The following ZBBX variants were observed in gnomAD, a reference collection of about 807,000 sequenced individuals.
ZBBX encodes the protein zinc finger B-box domain containing, also known as zinc finger B-box domain-containing protein 1.
ZBBX carries 101 observed loss-of-function variants against 108.5 expected under a neutral mutation model. The observed-to-expected ratio is 0.93, with a 90% confidence interval of 0.79 to 1.10. The LOEUF is 1.10. Among genes scored for constraint, ZBBX ranks in the 50% least tolerant of loss-of-function variants. The pLI, the probability that ZBBX is intolerant of heterozygous loss-of-function variation, is 0.00. For missense variants in ZBBX, 1,009 were observed against 941.4 expected (o/e 1.07, Z -0.94); for synonymous variants, 356 against 323.4 (o/e 1.10, Z -1.08).
At chr3:167,400,056 T>A (rs1033375633) in intron 1 of ZBBX, among the ~76,000 whole-genome samples, 3 of 152,234 alleles carry the variant, frequency 2.0e-5, no homozygotes, top group South Asian at 2.1e-4. Context: ...TATGGCCGCA[T>A]AGTATTCCGT....
chr3:167,262,334 C>A (rs933542832), intron 20 of ZBBX, among the ~76,000 whole-genome samples: 3 of 152,208 alleles, frequency 2.0e-5, no homozygotes, highest in Admixed American at 6.5e-5. Context: ...GAGCCAGCCA[C>A]TGCCTGTTGC....
chr3:167,295,734 TATATATATATATATATATATATATAAAA>T lies in ZBBX; in HGVS notation c.1879+2543_1879+2570del, dbSNP rs1386615301. 2.8e-3 allele frequency among the ~76,000 whole-genome samples: 54 copies of T among 19,284 alleles called. 3 individuals are homozygous for T. Among genetic ancestry groups the T allele is most frequent in the South Asian group, 0.011 (5 of 444 alleles). The allele number at this position is 19,284 out of a possible 152,430, so 12.7% of individuals were successfully genotyped here. A position where few individuals can be genotyped will look rare whatever the true frequency, so the allele number is the denominator to read the frequency against. ...GAATATATATATATATATATATATA[TATATATATATATATATATATATATAAAA>T]AAAACTAGTAAGGAGATTAAATCTG... On this transcript the variant is annotated intron_variant, in intron 18 of 21. Transcript: ENST00000675490.
the ZBBX span, among the ~76,000 whole-genome samples, chr3:167,182,991 C>A: frequency 1.3e-5 from 2 of 152,102 alleles, no homozygotes; most frequent in Admixed American, 6.5e-5. Flanking sequence ...TGAGAGTGGT[C>A]GCTCTAGGCG....
rs79002138 is a variant in ZBBX, at chr3:167,299,487, G to A, written c.1726-1029C>T. 6.3e-3 allele frequency among the ~76,000 whole-genome samples: 957 copies of A among 152,166 alleles called. 14 individuals carry two copies. Among genetic ancestry groups the A allele is most frequent in the Admixed American group, 0.031 (475 of 15,274 alleles). On this transcript the variant is annotated intron_variant, in intron 17 of 21. Transcript: ENST00000675490. ...GAATTATGCAATCGCAAATCTGGAAGAGTTTTGAATGTCTTGGTTTACAGA... is the reference window on the plus strand; with the variant it reads ...GAATTATGCAATCGCAAATCTGGAAAAGTTTTGAATGTCTTGGTTTACAGA...
At chr3:167,228,945 A>C in the ZBBX span, among the ~76,000 whole-genome samples, 1 of 151,742 alleles carries the variant, frequency 6.6e-6, no homozygotes, top group Non-Finnish European at 1.5e-5. Flanking sequence ...ACCACTATCT[A>C]ATGTACAACT....
intron 20 of ZBBX, among the ~76,000 whole-genome samples, chr3:167,258,350 C>T (rs1306946491): frequency 1.3e-5 from 2 of 151,972 alleles, no homozygotes; most frequent in African/African-American, 2.4e-5. Flanking sequence ...GTTCTTAATC[C>T]ATTTTGATTT....
chr3:167,205,871 T>C, the ZBBX span, among the ~76,000 whole-genome samples: 2 of 152,134 alleles, frequency 1.3e-5, no homozygotes, highest in African/African-American at 2.4e-5. Context: ...GGTAGTTAGA[T>C]TGGGCAGTTA....
At chr3:167,208,797 TG>T in the ZBBX span, among the ~76,000 whole-genome samples, 3 of 152,064 alleles carry the variant, frequency 2.0e-5, no homozygotes, top group Non-Finnish European at 4.4e-5. Context: ...GAAGAGTAAA[TG>T]GGACTTTGTC....
the ZBBX span, among the ~76,000 whole-genome samples, chr3:167,189,718 T>A: frequency 1.3e-5 from 2 of 152,232 alleles, no homozygotes; most frequent in African/African-American, 4.8e-5. Flanking sequence ...CCCAAGGGAA[T>A]AGCCTATGCC....
chr3:167,353,686 G>T (rs1344345585), intron 8 of ZBBX, among the ~76,000 whole-genome samples: 1 of 151,866 alleles, frequency 6.6e-6, no homozygotes, highest in African/African-American at 2.4e-5. Context: ...TAACAGAGCA[G>T]TGATATTATA....
chr3:167,349,268 T>C (rs1179988357), intron 9 of ZBBX, among the ~76,000 whole-genome samples: 5 of 152,132 alleles, frequency 3.3e-5, no homozygotes, highest in African/African-American at 1.2e-4. Context: ...AGTATTTATC[T>C]ACAAAGTAGA....
At chr3:167,180,366 A>T in the ZBBX span, among the ~76,000 whole-genome samples, 5 of 152,214 alleles carry the variant, frequency 3.3e-5, no homozygotes, top group African/African-American at 4.8e-5. Context: ...TTTGAAAGTC[A>T]TTTAATGTTT....
At chr3:167,230,155 T>C in the ZBBX span, among the ~76,000 whole-genome samples, 2,026 of 151,958 alleles carry the variant, frequency 0.013, 22 homozygotes, top group South Asian at 0.026. Context: ...CAGTATCTAC[T>C]ATATGAAATT....
At chr3:167,229,441 T>C in the ZBBX span, among the ~76,000 whole-genome samples, 1 of 151,918 alleles carries the variant, frequency 6.6e-6, no homozygotes, top group African/African-American at 2.4e-5. Flanking sequence ...TTTATTCATT[T>C]ATGCCCCAAA....
At chr3:167,366,010 A>G in intron 5 of ZBBX, 34 bp from the exon 6 acceptor site, 1 of 1,474,372 alleles carries the variant, frequency 6.8e-7, no homozygotes, top group Non-Finnish European at 9.4e-7. Context: ...AAATGTAATC[A>G]CTAAACACAT....
chr3:167,292,556 TAG>T, intron 18 of ZBBX, among the ~76,000 whole-genome samples: 1 of 152,306 alleles, frequency 6.6e-6, no homozygotes, highest in South Asian at 2.1e-4. Flanking sequence ...ATGCAGTGTG[TAG>T]AGGGAAATAT....
intron 14 of ZBBX, among the ~76,000 whole-genome samples, chr3:167,316,164 A>G (rs1735416719): frequency 6.6e-6 from 1 of 152,136 alleles, no homozygotes; most frequent in Admixed American, 6.6e-5. Context: ...GTGTATCAAC[A>G]ATGTAATGAA....
At chr3:167,348,368 G>GAAAGAAA (rs1431515037) in intron 9 of ZBBX, among the ~76,000 whole-genome samples, 17 of 111,656 alleles carry the variant, frequency 1.5e-4, no homozygotes, top group African/African-American at 5.1e-4. Context: ...AAGAAAGAAA[G>GAAAGAAA]AAAAAAAAGA....
rs116386590 is a variant in ZBBX at position 167,327,186 on chromosome 3, A to G, written c.862+756T>C. On this transcript the variant is annotated intron_variant, in intron 11 of 21. Transcript: ENST00000675490. Reference sequence around the variant, plus strand: ...AGTAGTTCAAAAAGAAACAAAAACAATGAGAACGCAAATCAATTCTCCTCC... The same window carrying G: ...AGTAGTTCAAAAAGAAACAAAAACAGTGAGAACGCAAATCAATTCTCCTCC... Among the ~76,000 whole-genome samples, 936 of 152,024 alleles carry G rather than the reference A, an allele frequency of 6.2e-3. 6 individuals carry two copies. The highest frequency in any genetic ancestry group is 0.022 in the African/African-American group (909 of 41,508).
Sources: gnomAD v4.1 joint callset for allele counts (sites outside exome capture counted in the v4.1 genomes callset) on GRCh38, gnomAD v4.1.1 for gene constraint, MANE v1.5 for transcripts, NCBI Gene and HGNC (gene_info 2026-07-23, HGNC 2026-07-21) for gene names.